ZNF423: variants seen among roughly 807,000 people sequenced by gnomAD.
ZNF423 encodes Ebf-associated zinc finger protein.
Under a neutral mutation model 95.8 loss-of-function variants are expected in ZNF423, and 12 were observed. That is an observed-to-expected ratio of 0.13 (90% CI 0.08 to 0.20). The LOEUF is 0.20. Among genes scored for constraint, ZNF423 ranks in the 10% least tolerant of loss-of-function variants. The pLI is 1.00. For missense variants in ZNF423, 1,316 were observed against 1,737.1 expected, an observed-to-expected ratio of 0.76 and a Z score of 4.31; for synonymous variants, 749 against 711.9, an observed-to-expected ratio of 1.05 and a Z score of -0.83.
chr16:49,677,228 A>G lies in ZNF423; in HGVS notation c.302-38354T>C, dbSNP rs985552514. Among the ~76,000 whole-genome samples, 205 of 57,194 alleles carry G rather than the reference A, an allele frequency of 3.6e-3. 3 individuals are homozygous for G. Among genetic ancestry groups the G allele is most frequent in the Middle Eastern group, 8.1e-3 (1 of 124 alleles). The allele number at this position is 57,194 out of a possible 152,430, so 37.5% of individuals were successfully genotyped here. A position where few individuals can be genotyped will look rare whatever the true frequency, so the allele number is the denominator to read the frequency against. On this transcript the variant is annotated intron_variant, in intron 3 of 7. Transcript: ENST00000563137. ...GCGAGACTCCAACATAGAAACAAGA[A>G]AAGAGAAGAGAAGAGAAGATAAGAG...
chr16:49,641,314 C>T (rs567566580), intron 3 of ZNF423, among the ~76,000 whole-genome samples: 1 of 152,298 alleles, frequency 6.6e-6, no homozygotes, highest in South Asian at 2.1e-4. Context: ...AAGACCACTC[C>T]TGCGTGGGTA....
chr16:49,531,876 G>A (rs1467888357), intron 5 of ZNF423, among the ~76,000 whole-genome samples: 1 of 152,150 alleles, frequency 6.6e-6, no homozygotes, highest in East Asian at 1.9e-4. Flanking sequence ...GGCAGCACCT[G>A]GGAGCTTGAG....
intron 3 of ZNF423, among the ~76,000 whole-genome samples, chr16:49,697,809 C>G (rs1381821905): frequency 1.3e-5 from 2 of 152,254 alleles, no homozygotes; most frequent in East Asian, 3.8e-4. Flanking sequence ...AAAGCCTTAC[C>G]TACGGTGCGG....
At chr16:49,815,540 G>A (rs908192312) in intron 1 of ZNF423, among the ~76,000 whole-genome samples, 8 of 152,126 alleles carry the variant, frequency 5.3e-5, no homozygotes, top group South Asian at 2.1e-4. Flanking sequence ...AAGTCACACA[G>A]CAAACAGGAG....
intron 3 of ZNF423, among the ~76,000 whole-genome samples, chr16:49,700,950 A>AGG (rs2032160561): frequency 1.3e-5 from 2 of 152,010 alleles, no homozygotes; most frequent in Non-Finnish European, 2.9e-5. Flanking sequence ...AGGAGGGAGG[A>AGG]GAAGGGAGGA....
chr16:49,573,324 A>G (rs1970407236), intron 5 of ZNF423, among the ~76,000 whole-genome samples: 2 of 152,192 alleles, frequency 1.3e-5, no homozygotes, highest in African/African-American at 4.8e-5. Flanking sequence ...TCCTTGGCTT[A>G]CCTAATCACT....
intron 5 of ZNF423, 93 bp from the exon 6 acceptor site, chr16:49,525,587 C>T: frequency 6.5e-7 from 1 of 1,538,256 alleles, no homozygotes; most frequent in Non-Finnish European, 8.8e-7. Flanking sequence ...AGCACTAACC[C>T]CCCTCCAATC....
intron 1 of ZNF423, among the ~76,000 whole-genome samples, chr16:49,796,565 T>C (rs1350093990): frequency 1.3e-5 from 2 of 152,076 alleles, no homozygotes; most frequent in Non-Finnish European, 2.9e-5. Flanking sequence ...AGGCAAGATG[T>C]GTTTTGGCAG....
At chr16:49,651,431 A>C (rs1382893083) in intron 3 of ZNF423, among the ~76,000 whole-genome samples, 1 of 151,568 alleles carries the variant, frequency 6.6e-6, no homozygotes, top group Non-Finnish European at 1.5e-5. Context: ...AGGGACCCCC[A>C]CCCCCCTGCA....
intron 2 of ZNF423, among the ~76,000 whole-genome samples, chr16:49,779,697 C>A (rs184462880): frequency 6.6e-6 from 1 of 152,118 alleles, no homozygotes; most frequent in Non-Finnish European, 1.5e-5. Context: ...GGCTTCAAGT[C>A]GCCAAAGAAC....
chr16:49,660,845 G>A (rs748897663), intron 3 of ZNF423, among the ~76,000 whole-genome samples: 3 of 152,140 alleles, frequency 2.0e-5, no homozygotes, highest in Non-Finnish European at 2.9e-5. Context: ...GGGGGATGGG[G>A]GGGGAGCTTA....
chr16:49,685,323 C>A (rs1042065362), intron 3 of ZNF423, among the ~76,000 whole-genome samples: 1 of 152,198 alleles, frequency 6.6e-6, no homozygotes, highest in Non-Finnish European at 1.5e-5. Flanking sequence ...GTGTGCCAGG[C>A]ATGGACTAGG....
Position 49,714,195 on chromosome 16 carries a change from T to C in ZNF423, c.301+16576A>G, listed in dbSNP as rs78948635. Among the ~76,000 whole-genome samples, 10 of 152,246 alleles carry C rather than the reference T, an allele frequency of 6.6e-5. No individual in the cohort carries two copies. In the East Asian group the frequency reaches 9.7e-4, roughly 15 times the overall value. Reference sequence around the variant, plus strand: ...ATGGGCTCCGAAGGGCGGGAGCCAATTGTATTTATTCATCACCTCACACAT... The same window carrying C: ...ATGGGCTCCGAAGGGCGGGAGCCAACTGTATTTATTCATCACCTCACACAT... On this transcript the variant is annotated intron_variant, in intron 3 of 7. Transcript: ENST00000563137.
chr16:49,630,607 G>T (rs1043105437), intron 4 of ZNF423, among the ~76,000 whole-genome samples: 71 of 152,222 alleles, frequency 4.7e-4, no homozygotes, highest in African/African-American at 1.6e-3. Flanking sequence ...ATGGCGATTT[G>T]CTTGGGTGCA....
intron 5 of ZNF423, among the ~76,000 whole-genome samples, chr16:49,580,377 A>G (rs1414588592): frequency 6.6e-6 from 1 of 152,192 alleles, no homozygotes; most frequent in East Asian, 1.9e-4. Flanking sequence ...TTATGTATTT[A>G]CTTGTTTGCC....
At chr16:49,511,157 C>T (rs1967881893) in intron 7 of ZNF423, among the ~76,000 whole-genome samples, 1 of 152,218 alleles carries the variant, frequency 6.6e-6, no homozygotes. Flanking sequence ...TCAACACTAC[C>T]CCTCCGGTGC....
intron 6 of ZNF423, among the ~76,000 whole-genome samples, chr16:49,524,338 T>G (rs77863284): frequency 0.031 from 4,795 of 152,258 alleles, 108 homozygotes; most frequent in Non-Finnish European, 0.049. Context: ...ATTCCTATTT[T>G]TATTGTTGTC....
At chr16:49,852,521 G>A (rs1191118445) in intron 1 of ZNF423, among the ~76,000 whole-genome samples, 4 of 152,040 alleles carry the variant, frequency 2.6e-5, no homozygotes, top group Non-Finnish European at 5.9e-5. Context: ...ATCATCGGCC[G>A]AAATAACATC....
intron 5 of ZNF423, among the ~76,000 whole-genome samples, chr16:49,528,204 A>G (rs1412857078): frequency 6.6e-6 from 1 of 152,110 alleles, no homozygotes; most frequent in Non-Finnish European, 1.5e-5. Context: ...GAGAGGACAA[A>G]GAAGCCTCCT....
Sources: gnomAD v4.1 joint callset for allele counts (sites outside exome capture counted in the v4.1 genomes callset) on GRCh38, gnomAD v4.1.1 for gene constraint, MANE v1.5 for transcripts, NCBI Gene and HGNC (gene_info 2026-07-23, HGNC 2026-07-21) for gene names.